Variants in PIK3C2B observed in about 807,000 individuals in gnomAD.
PIK3C2B encodes the protein phosphatidylinositol-4-phosphate 3-kinase catalytic subunit type 2 beta.
Under a neutral mutation model 184.3 loss-of-function variants are expected in PIK3C2B, and 83 were observed. The ratio of observed to expected loss-of-function variants is 0.45; its 90% confidence interval spans 0.38 to 0.54. PIK3C2B has a LOEUF of 0.54. PIK3C2B is among the 20% of genes least tolerant of loss of function. The pLI, the probability that PIK3C2B is intolerant of heterozygous loss-of-function variation, is 0.00. For synonymous variants in PIK3C2B, 779 were observed against 837.6 expected, an observed-to-expected ratio of 0.93 and a Z score of 1.21; for missense variants, 1,736 against 2,113.5, an observed-to-expected ratio of 0.82 and a Z score of 3.50.
intron 24 of PIK3C2B, 122 bp from the exon 25 acceptor site, chr1:204,434,071 TCTAA>T: frequency 5.3e-6 from 4 of 755,256 alleles, no homozygotes; most frequent in Middle Eastern, 4.0e-4. Context: ...TAGAAGGGGC[TCTAA>T]CTTTTTTCTT....
rs755353972 is a variant in PIK3C2B at position 204,447,537 on chromosome 1, G to C, written c.2388C>G (p.Ser796Arg). 94 of 1,610,056 alleles carry C rather than the reference G, an allele frequency of 5.8e-5. No homozygotes were observed. The highest frequency in any genetic ancestry group is 6.5e-5 in the Non-Finnish European group (77 of 1,177,212). The part of the protein sequence containing the change: ...PTSAFDIKFT[S>R]PPGDKFSPRY... ...GGGGGCTGAACTTGTCTCCAGGGGG[G>C]CTGGTGAACTTGATGTCAAAGGCCG... is the stretch of plus-strand genomic sequence containing the variant. Residue 796 changes from serine (S) to arginine (R), a missense_variant, in exon 15 of 33, where the codon AGC (serine) becomes AGG (arginine). By Grantham distance (110) the Ser-to-Arg change is moderately radical. Around this residue, in one of 8 missense-constraint regions of PIK3C2B, gnomAD observed 609 missense variants for 699.2 expected, o/e 0.87. Transcript: ENST00000684373. This position sits in a 1 kb window ranked among gnomAD's most constrained non-coding sequence, Gnocchi z 4.1.
intron 13 of PIK3C2B, among the ~76,000 whole-genome samples, chr1:204,449,636 A>G (rs1266836730): frequency 6.6e-6 from 1 of 152,182 alleles, no homozygotes; most frequent in African/African-American, 2.4e-5. Flanking sequence ...TATCCTTAAC[A>G]TGGTCCTGTG....
At chr1:204,477,914 G>T (rs1352753391) in intron 1 of PIK3C2B, among the ~76,000 whole-genome samples, 1 of 152,198 alleles carries the variant, frequency 6.6e-6, no homozygotes, top group Non-Finnish European at 1.5e-5. Flanking sequence ...CATACATAAA[G>T]AATTCAATCC....
rs61761694 is a variant in PIK3C2B at position 204,465,376 on chromosome 1, T to C, written c.934-57A>G. 1.9e-3 allele frequency: 2,014 copies of C among 1,060,818 alleles called. 30 individuals are homozygous for C. The African/African-American group carries it at 0.028, about 15-fold the overall frequency. The allele number at this position is 1,060,818 out of a possible 1,614,324, so 65.7% of individuals were successfully genotyped here. On this transcript the variant is annotated intron_variant, in intron 2 of 32. Transcript: ENST00000684373. ...TTTTCCTCGTGGTGTCCCCTCCCTA[T>C]GAGGTACTCCAGACCTAAACTCAAA...
At chr1:204,437,704 A>G (rs140135725) in intron 23 of PIK3C2B, among the ~76,000 whole-genome samples, 3 of 152,346 alleles carry the variant, frequency 2.0e-5, no homozygotes, top group Non-Finnish European at 2.9e-5. Flanking sequence ...AGAGGGAAGC[A>G]TCAGGAAGAC....
intron 1 of PIK3C2B, among the ~76,000 whole-genome samples, chr1:204,480,675 C>T (rs1435044894): frequency 1.3e-5 from 2 of 151,886 alleles, no homozygotes. Context: ...TGGGCAGGGC[C>T]AGGCTGTGTG....
In PIK3C2B at chr1:204,459,870, G is replaced by C. The variant is rs17847745; in HGVS notation, c.1566+8C>G. The C allele has an allele frequency of 8.4e-3, 13,553 of 1,611,478 alleles. 412 individuals are homozygous for C. In the East Asian group the frequency reaches 0.11, roughly 14 times the overall value. On this transcript the variant is annotated splice_region_variant and intron_variant, in intron 8 of 32. Coordinates refer to ENST00000684373, the MANE Select transcript of PIK3C2B (RefSeq NM_001377334.1). ...GGCAGCAGGGCCAGCCCCTGGATTC[G>C]TACTCACATCAGCCAGCAGGAAGGC...
At chr1:204,444,945 T>C (rs1353653258) in intron 16 of PIK3C2B, among the ~76,000 whole-genome samples, 2 of 152,158 alleles carry the variant, frequency 1.3e-5, no homozygotes, top group Non-Finnish European at 2.9e-5. Context: ...GTCACATGGA[T>C]AGGTACATTT....
chr1:204,478,259 AC>A (rs1656868468), intron 1 of PIK3C2B, among the ~76,000 whole-genome samples: 1 of 150,964 alleles, frequency 6.6e-6, no homozygotes, highest in African/African-American at 2.4e-5. Context: ...ACTCACCCAT[AC>A]CCCCAATCCC....
rs767383394 is a variant in PIK3C2B at position 204,431,507 on chromosome 1, G to A, written c.4280+162C>T. Reference sequence around the variant, plus strand: ...GCGTGCAAGGAGAGCTTGGCCAGCAGGGGGAGCACTTGTCATCAAACTCCA... The same window carrying A: ...GCGTGCAAGGAGAGCTTGGCCAGCAAGGGGAGCACTTGTCATCAAACTCCA... On this transcript the variant is annotated intron_variant, in intron 28 of 32. Coordinates refer to ENST00000684373, the MANE Select transcript of PIK3C2B (RefSeq NM_001377334.1). The A allele has an allele frequency of 5.0e-6, 4 of 800,098 alleles. No homozygotes were observed. The South Asian group carries it at 6.6e-5, about 13-fold the overall frequency. 49.6% of individuals were successfully genotyped at this position (800,098 alleles called of 1,614,324 possible).
chr1:204,460,793 A>G, intron 5 of PIK3C2B, 132 bp from the exon 6 acceptor site: 1 of 647,910 alleles, frequency 1.5e-6, no homozygotes, highest in East Asian at 2.7e-5. Context: ...GTTGTACCCT[A>G]CTTTGGCTCC....
chr1:204,493,815 C>T lies in PIK3C2B; in HGVS notation c.-85+541G>A, dbSNP rs555390741. ...CCGGCGAACTCAGGCCTGAGGGTCC[C>T]TCTCCCTCTTTCAAGCTTTCAGTCT... is the stretch of plus-strand genomic sequence containing the variant. On this transcript the variant is annotated intron_variant, in intron 1 of 32. Coordinates refer to ENST00000684373, the MANE Select transcript of PIK3C2B (RefSeq NM_001377334.1). Among the ~76,000 whole-genome samples the T allele has an allele frequency of 1.3e-4, 20 of 152,284 alleles. 1 individual carries two copies. The South Asian group carries it at 4.1e-3, about 32-fold the overall frequency.
chr1:204,436,678 C>T (rs928456153), intron 23 of PIK3C2B, among the ~76,000 whole-genome samples: 5 of 152,144 alleles, frequency 3.3e-5, no homozygotes, highest in African/African-American at 1.2e-4. Flanking sequence ...TTATTATATT[C>T]TTATACATTC....
chr1:204,482,506 A>G (rs981268248), intron 1 of PIK3C2B, among the ~76,000 whole-genome samples: 1 of 152,168 alleles, frequency 6.6e-6, no homozygotes, highest in Non-Finnish European at 1.5e-5. Context: ...AGAGAACTGA[A>G]GGCTGGGTGC....
At chr1:204,428,349 G>T (rs1408051728) in intron 29 of PIK3C2B, 129 bp from the exon 30 acceptor site, 5 of 623,654 alleles carry the variant, frequency 8.0e-6, no homozygotes, top group Non-Finnish European at 1.4e-5. Context: ...TTCTTATGTG[G>T]ATTATAGCTC....
At chr1:204,465,431 G>C in intron 2 of PIK3C2B, 112 bp from the exon 3 acceptor site, 1 of 684,590 alleles carries the variant, frequency 1.5e-6, no homozygotes, top group South Asian at 1.7e-5. Context: ...CTAGTCACTC[G>C]ACATCCAATG....
chr1:204,466,697 G>A (rs1655827007), intron 2 of PIK3C2B: 1 of 422,930 alleles, frequency 2.4e-6, no homozygotes, highest in Admixed American at 2.9e-5. Context: ...AGAGAACAGA[G>A]TGGTCACTGA....
intron 1 of PIK3C2B, among the ~76,000 whole-genome samples, chr1:204,484,656 A>C (rs11240749): frequency 0.64 from 97,252 of 151,782 alleles, 32,469 homozygotes; most frequent in Non-Finnish European, 0.72. Flanking sequence ...ATCGCTTGAA[A>C]CTGGGAGGTG....
chr1:204,469,145 CCT>C lies in PIK3C2B; in HGVS notation c.656_657del (p.Gln219ArgfsTer10). The C allele has an allele frequency of 1.9e-6, 3 of 1,614,170 alleles. No homozygotes were observed. The highest frequency in any genetic ancestry group is 2.5e-6 in the Non-Finnish European group (3 of 1,180,012). ...TAGTCCACAGACCCCAGTAGGCGCC[CCT>C]GACCCCCACCTCCCAGCACCTCTTC... ...EEEEVLGGGGQGRLLGSVDYD... is the reference protein window; with the variant it reads ...EEEEVLGGGGXGRLLGSVDYD... On this transcript the variant is annotated frameshift_variant, in exon 2 of 33. Transcript: ENST00000684373. LOFTEE classifies it high-confidence loss of function.
Sources: allele counts gnomAD v4.1 joint callset (sites outside exome capture counted in the v4.1 genomes callset), GRCh38; gene constraint gnomAD v4.1.1; regional missense constraint gnomAD v4.1.1; non-coding constraint Gnocchi (gnomAD v3.1); transcripts MANE v1.5; gene names NCBI Gene and HGNC (gene_info 2026-07-23, HGNC 2026-07-21).